PCDH15: variants seen among roughly 807,000 people sequenced by gnomAD.
PCDH15 encodes protocadherin related 15, also known as protocadherin-15.
A neutral mutation model predicts 178.5 loss-of-function variants in PCDH15; 129 were observed. That is an observed-to-expected ratio of 0.72 (90% confidence interval 0.63 to 0.84). The LOEUF (loss-of-function observed/expected upper bound fraction) is 0.84, where lower values mean the gene tolerates loss of function less well. Ranked by LOEUF, PCDH15 falls within the 40% of genes least tolerant of loss-of-function variation. The pLI, the probability that PCDH15 is intolerant of heterozygous loss-of-function variation, is 0.00. For synonymous variants in PCDH15, 800 were observed against 732.0 expected (o/e 1.09, Z -1.50); for missense variants, 2,230 against 2,099.9 (o/e 1.06, Z -1.21).
At chr10:53,909,728 G>A (rs2082936060) in intron 25 of PCDH15, among the ~76,000 whole-genome samples, 1 of 152,148 alleles carries the variant, frequency 6.6e-6, no homozygotes, top group Non-Finnish European at 1.5e-5. Context: ...AAGCAAAAGG[G>A]GTTGGGGGAT....
At chr10:55,357,956 C>T (rs2131974841) in intron 2 of PCDH15, among the ~76,000 whole-genome samples, 1 of 152,084 alleles carries the variant, frequency 6.6e-6, no homozygotes, top group African/African-American at 2.4e-5. Context: ...CACCTGGTGC[C>T]AAGAAAATCA....
intron 6 of PCDH15, 125 bp downstream of exon 6, chr10:54,346,240 T>A (rs1393191330): frequency 2.2e-6 from 2 of 896,832 alleles, no homozygotes; most frequent in Admixed American, 2.7e-5. Context: ...GAGACATTTT[T>A]AAATAATAGT....
chr10:54,677,699 A>G (rs1486839573), intron 1 of PCDH15, among the ~76,000 whole-genome samples: 1 of 152,184 alleles, frequency 6.6e-6, no homozygotes, highest in African/African-American at 2.4e-5. Flanking sequence ...CCAATTTTTT[A>G]GGTAACATTG....
intron 9 of PCDH15, among the ~76,000 whole-genome samples, chr10:54,235,211 C>T (rs574537690): frequency 1.3e-5 from 2 of 152,228 alleles, no homozygotes; most frequent in South Asian, 2.1e-4. Context: ...TTCATATGAT[C>T]GATTTTTCCC....
At chr10:54,088,548 T>C (rs1456491142) in intron 16 of PCDH15, among the ~76,000 whole-genome samples, 2 of 152,172 alleles carry the variant, frequency 1.3e-5, no homozygotes, top group Non-Finnish European at 2.9e-5. Flanking sequence ...TTTTAAAAAT[T>C]GACGAGACCC....
intron 1 of PCDH15, among the ~76,000 whole-genome samples, chr10:55,238,854 C>T (rs763718642): frequency 6.6e-6 from 1 of 152,126 alleles, no homozygotes; most frequent in Non-Finnish European, 1.5e-5. Flanking sequence ...GCATTTATCA[C>T]TTCTTTGTGT....
intron 21 of PCDH15, among the ~76,000 whole-genome samples, chr10:53,977,963 C>T (rs1055902479): frequency 1.4e-4 from 21 of 152,194 alleles, no homozygotes; most frequent in African/African-American, 5.1e-4. Flanking sequence ...GCTGCCATGG[C>T]CTTGGACAGC....
intron 2 of PCDH15, among the ~76,000 whole-genome samples, chr10:55,162,823 A>G (rs1839099904): frequency 6.6e-6 from 1 of 152,164 alleles, no homozygotes; most frequent in African/African-American, 2.4e-5. Context: ...AGTCAGACCC[A>G]GGTTTGAGTC....
At chr10:54,323,518 G>A (rs574360867) in intron 7 of PCDH15, among the ~76,000 whole-genome samples, 41 of 152,214 alleles carry the variant, frequency 2.7e-4, no homozygotes, top group East Asian at 7.7e-4. Flanking sequence ...TATACACCAC[G>A]GAATACTACA....
intron 11 of PCDH15, among the ~76,000 whole-genome samples, chr10:54,190,933 G>C (rs1437683717): frequency 1.3e-5 from 2 of 152,132 alleles, no homozygotes; most frequent in East Asian, 3.9e-4. Context: ...GCTGGCAAAT[G>C]GAAGATTTAA....
At chr10:54,612,422 T>C (rs546972895) in intron 2 of PCDH15, among the ~76,000 whole-genome samples, 10 of 151,946 alleles carry the variant, frequency 6.6e-5, no homozygotes, top group African/African-American at 2.4e-4. Context: ...TTTCTTTGCA[T>C]TGTTAAACTT....
intron 2 of PCDH15, among the ~76,000 whole-genome samples, chr10:55,584,440 C>T (rs562542778): frequency 6.6e-6 from 1 of 151,512 alleles, no homozygotes; most frequent in Non-Finnish European, 1.5e-5. Context: ...GGGCAGATCA[C>T]GAGGTCAAGA....
At position 54,554,733 on chromosome 10, in the gene PCDH15, T is replaced by C. The variant is rs191493288; in HGVS notation, c.92-26856A>G. On this transcript the variant is annotated intron_variant, in intron 2 of 37. Transcript: ENST00000644397. ...AGGACCTAAACCCTCTCATCATTTT[T>C]GCAAAGAGCCCTAAACCAAAATTAG... Among the ~76,000 whole-genome samples the C allele has an allele frequency of 6.0e-3, 919 of 152,274 alleles. 10 individuals carry two copies. Among genetic ancestry groups the C allele is most frequent in the Non-Finnish European group, 7.3e-3 (497 of 68,008 alleles).
At chr10:54,860,996 T>C (rs1197782761) in intron 3 of PCDH15, among the ~76,000 whole-genome samples, 3 of 152,182 alleles carry the variant, frequency 2.0e-5, no homozygotes, top group Admixed American at 2.0e-4. Flanking sequence ...CCCAATAATT[T>C]AATTTAGTAT....
intron 16 of PCDH15, among the ~76,000 whole-genome samples, chr10:54,084,139 G>C (rs1223504346): frequency 6.6e-6 from 1 of 150,956 alleles, no homozygotes; most frequent in African/African-American, 2.4e-5. Flanking sequence ...AGGCTAGAGA[G>C]CAATGGCATG....
chr10:55,568,493 G>T (rs993361519), intron 2 of PCDH15, among the ~76,000 whole-genome samples: 3 of 151,734 alleles, frequency 2.0e-5, no homozygotes, highest in African/African-American at 7.3e-5. Context: ...TGTGATTAAT[G>T]ATAATTACAT....
At chr10:55,263,947 G>A (rs1842214722) in intron 1 of PCDH15, among the ~76,000 whole-genome samples, 1 of 151,590 alleles carries the variant, frequency 6.6e-6, no homozygotes, top group African/African-American at 2.4e-5. Flanking sequence ...TGTTTGCCAG[G>A]ATGGTCTCGA....
intron 2 of PCDH15, among the ~76,000 whole-genome samples, chr10:54,966,976 G>A (rs188022207): frequency 5.3e-5 from 8 of 152,186 alleles, no homozygotes; most frequent in African/African-American, 1.9e-4. Context: ...CACTATGAAA[G>A]ATAAAAAATG....
At chr10:55,549,493 G>A (rs1460201654) in intron 2 of PCDH15, among the ~76,000 whole-genome samples, 1 of 152,128 alleles carries the variant, frequency 6.6e-6, no homozygotes, top group Non-Finnish European at 1.5e-5. Flanking sequence ...CTAGCAGGGT[G>A]AATCTTAGGT....
Sources: allele counts gnomAD v4.1 joint callset (sites outside exome capture counted in the v4.1 genomes callset), GRCh38; gene constraint gnomAD v4.1.1; transcripts MANE v1.5; gene names NCBI Gene and HGNC (gene_info 2026-07-23, HGNC 2026-07-21).